The following ANKS1A variants were observed in gnomAD, a reference collection of about 807,000 sequenced individuals.
ANKS1A encodes ankyrin repeat and SAM domain-containing protein 1A.
ANKS1A carries 55 observed loss-of-function variants against 120.3 expected under a neutral mutation model. The observed-to-expected ratio is 0.46, with a 90% CI of 0.37 to 0.57. The LOEUF is 0.57. ANKS1A is among the 20% of genes least tolerant of loss of function. The pLI is 0.00. For missense variants in ANKS1A, 1,123 were observed against 1,480.3 expected (o/e 0.76, Z 3.96); for synonymous variants, 590 against 604.7 (o/e 0.98, Z 0.36).
Position 35,080,979 on chromosome 6 carries a change from T to C in ANKS1A, c.2545-15T>C. 1 of 1,608,508 alleles carries C rather than the reference T, an allele frequency of 6.2e-7. No individual in the cohort carries two copies. The highest frequency in any genetic ancestry group is 8.5e-7 in the Non-Finnish European group (1 of 1,175,834). On this transcript the variant is annotated splice_polypyrimidine_tract_variant and intron_variant, in intron 16 of 23. Transcript: ENST00000360359. ...CCGAGGGTTGCAAGTTCCACCTGGA[T>C]TTTTCCCTCCACAGTGCCAAGATTT...
chr6:34,930,034 C>T (rs1488173672), intron 1 of ANKS1A, among the ~76,000 whole-genome samples: 2 of 152,008 alleles, frequency 1.3e-5, no homozygotes, highest in African/African-American at 2.4e-5. Flanking sequence ...TATCTTTCAT[C>T]GATAGCTGTT....
In ANKS1A at chr6:34,889,503, G is replaced by T; in HGVS notation, c.101G>T (p.Gly34Val). 7.9e-7 allele frequency: 1 copy of T among 1,273,418 alleles called. No homozygotes were observed. Among genetic ancestry groups the T allele is most frequent in the Non-Finnish European group, 9.8e-7 (1 of 1,018,740 alleles). The allele number at this position is 1,273,418 out of a possible 1,614,324, so 78.9% of individuals were successfully genotyped here. A position where few individuals can be genotyped will look rare whatever the true frequency, so the allele number is the denominator to read the frequency against. Reference sequence around the variant, plus strand: ...AAGCGGCTCTCCTCAGGCTTTGGGGGCGGCGGCGGCGGTGGCTCTGGGGGC... The same window carrying T: ...AAGCGGCTCTCCTCAGGCTTTGGGGTCGGCGGCGGCGGTGGCTCTGGGGGC... Reference protein sequence around the residue: ...SGKRLSSGFGGGGGGGSGGGG... With the variant: ...SGKRLSSGFGVGGGGGSGGGG... The change falls in exon 1 of 24, where the codon GGC becomes GTC. Residue 34 changes from glycine (G) to valine (V), a missense_variant. Gly to Val is a moderately radical substitution (Grantham distance 109, BLOSUM62 -3). Around this residue, in one of 3 missense-constraint regions of ANKS1A, gnomAD observed 73 missense variants for 82.2 expected, o/e 0.89. Transcript: ENST00000360359. This position sits in a 1 kb window ranked among gnomAD's most constrained non-coding sequence, Gnocchi z 5.5.
chr6:34,982,702 A>C lies in ANKS1A; in HGVS notation c.733-50A>C. The C allele has an allele frequency of 6.3e-7, 1 of 1,597,842 alleles. No homozygotes were observed. The highest frequency in any genetic ancestry group is 1.7e-4 in the Middle Eastern group (1 of 6,042). On this transcript the variant is annotated intron_variant, in intron 4 of 23. Coordinates refer to ENST00000360359, the MANE Select transcript of ANKS1A (RefSeq NM_015245.3). The surrounding 1 kb of genome is among the most constrained non-coding windows in gnomAD (Gnocchi z 4.9). ...TGTCCCCTTTGTCACGTGAAGCCGC[A>C]CCAAACTGTTCTGATGACATCCCGC... is the stretch of plus-strand genomic sequence containing the variant.
At chr6:35,015,277 AC>A (rs1773941100) in intron 10 of ANKS1A, among the ~76,000 whole-genome samples, 1 of 152,206 alleles carries the variant, frequency 6.6e-6, no homozygotes, top group African/African-American at 2.4e-5. Context: ...CAGGCAGATC[AC>A]TTGAGGCGAG....
intron 11 of ANKS1A, among the ~76,000 whole-genome samples, chr6:35,036,676 C>A (rs1775189546): frequency 6.6e-6 from 1 of 152,204 alleles, no homozygotes; most frequent in Admixed American, 6.5e-5. Flanking sequence ...AAGATTCTGC[C>A]AGTTTTCTAG....
At chr6:34,896,232 G>T (rs961208879) in intron 1 of ANKS1A, among the ~76,000 whole-genome samples, 2 of 151,806 alleles carry the variant, frequency 1.3e-5, no homozygotes, top group Admixed American at 1.3e-4. Context: ...ACTGCACCTG[G>T]CGAATATTTG....
chr6:34,899,769 A>G (rs1476147954), intron 1 of ANKS1A, among the ~76,000 whole-genome samples: 1 of 152,190 alleles, frequency 6.6e-6, no homozygotes, highest in Admixed American at 6.5e-5. Context: ...TTTGCTCATA[A>G]CTATCCACAT....
At chr6:34,987,926 C>T (rs7740148) in intron 8 of ANKS1A, among the ~76,000 whole-genome samples, 1 of 152,116 alleles carries the variant, frequency 6.6e-6, no homozygotes, top group Non-Finnish European at 1.5e-5. Context: ...TGCCTTTAGT[C>T]GGAACACTGA....
chr6:34,889,305 G>GT lies in ANKS1A; in HGVS notation c.-95dup. 3 of 1,222,386 alleles carry GT rather than the reference G, an allele frequency of 2.5e-6. No individual in the cohort carries two copies. Among genetic ancestry groups the GT allele is most frequent in the Non-Finnish European group, 3.1e-6 (3 of 982,076 alleles). The allele number at this position is 1,222,386 out of a possible 1,614,324, so 75.7% of individuals were successfully genotyped here. A position where few individuals can be genotyped will look rare whatever the true frequency, so the allele number is the denominator to read the frequency against. On this transcript the variant is annotated 5_prime_UTR_variant, in exon 1 of 24. Coordinates refer to ENST00000360359, the MANE Select transcript of ANKS1A (RefSeq NM_015245.3). This position sits in a 1 kb window ranked among gnomAD's most constrained non-coding sequence, Gnocchi z 5.5. ...AGGGAGGGGGTGGTGTCCCCAGCCG[G>GT]TTTGGGGGGTGCGTTGCCCGGAGAC...
chr6:34,949,006 CTG>C (rs1413186449), intron 1 of ANKS1A, among the ~76,000 whole-genome samples: 8 of 152,198 alleles, frequency 5.3e-5, no homozygotes, highest in Admixed American at 5.2e-4. Context: ...TTTCTCCTGA[CTG>C]TGTCTGTTTC....
downstream of ANKS1A, among the ~76,000 whole-genome samples, chr6:35,091,761 C>T (rs1393108164): frequency 6.6e-6 from 1 of 152,220 alleles, no homozygotes; most frequent in East Asian, 1.9e-4. Context: ...GCCTCCCAGG[C>T]AGCCTGGGGG....
chr6:35,052,020 T>G (rs1775994390), intron 11 of ANKS1A, among the ~76,000 whole-genome samples: 2 of 152,094 alleles, frequency 1.3e-5, no homozygotes, highest in Admixed American at 1.3e-4. Context: ...TTTATCCATT[T>G]TAAATGGAAG....
In ANKS1A at chr6:35,079,834, A is replaced by G; in HGVS notation, c.2450A>G (p.Gln817Arg). ...ELELVNVLKVQLLGHRKRIIA... is the reference protein window; with the variant it reads ...ELELVNVLKVRLLGHRKRIIA... ...CTCATCACCCAGGTCCTGAAGGTCC[A>G]GCTGCTCGGCCATCGCAAGCGCATC... Residue 817 changes from glutamine to arginine, a missense_variant, in exon 16 of 24, where the codon CAG becomes CGG. This residue lies in a region of ANKS1A where 904 missense variants were observed against 1,130.4 expected (regional missense o/e 0.80). Transcript: ENST00000360359. 1.3e-6 allele frequency: 2 copies of G among 1,578,220 alleles called. No individual in the cohort carries two copies. The highest frequency in any genetic ancestry group is 1.7e-6 in the Non-Finnish European group (2 of 1,161,932).
At chr6:35,095,582 A>G (rs981516154), downstream of ANKS1A, among the ~76,000 whole-genome samples, 1 of 133,888 alleles carries the variant, frequency 7.5e-6, no homozygotes, top group African/African-American at 3.0e-5. Context: ...AAAAGGAAAG[A>G]CGAAAGAAAG....
intron 11 of ANKS1A, chr6:35,023,738 C>T (rs1479008760): frequency 1.1e-5 from 4 of 348,410 alleles, no homozygotes; most frequent in Non-Finnish European, 2.3e-5. Flanking sequence ...AATTTCTTCT[C>T]CCAGAATATA....
intron 10 of ANKS1A, among the ~76,000 whole-genome samples, chr6:35,000,411 A>G (rs1036348273): frequency 6.6e-6 from 1 of 152,110 alleles, no homozygotes; most frequent in African/African-American, 2.4e-5. Context: ...AGTAACTTCT[A>G]ATCTTGTGGC....
intron 2 of ANKS1A, among the ~76,000 whole-genome samples, chr6:34,969,190 C>T (rs1393553828): frequency 6.6e-6 from 1 of 152,154 alleles, no homozygotes; most frequent in Non-Finnish European, 1.5e-5. Flanking sequence ...AAGCAAGTTC[C>T]TCTTTCTGGG....
rs749257912 is a variant in ANKS1A, at chr6:34,985,236, G to C, written c.1167G>C (p.Lys389Asn). ...CATCTGACCAAGACTCCACGAACAA[G>C]GAGGCTGAGGCAGCAGGAGTGAAAC... Reference protein sequence around the residue: ...GRSSDQDSTNKEAEAAGVKPA... With the variant: ...GRSSDQDSTNNEAEAAGVKPA... Residue 389 changes from lysine (K) to asparagine (N), a missense_variant, in exon 8 of 24, where the codon AAG (lysine) becomes AAC (asparagine). Lys to Asn is a moderately conservative substitution (Grantham distance 94). Coordinates refer to ENST00000360359, the MANE Select transcript of ANKS1A (RefSeq NM_015245.3). 1 of 1,614,192 alleles carries C rather than the reference G, an allele frequency of 6.2e-7. No homozygotes were observed. Among genetic ancestry groups the C allele is most frequent in the Non-Finnish European group, 8.5e-7 (1 of 1,180,040 alleles).
the ANKS1A span, among the ~76,000 whole-genome samples, chr6:35,096,680 C>G: frequency 7.9e-5 from 12 of 152,150 alleles, no homozygotes; most frequent in Admixed American, 7.9e-4. Flanking sequence ...AAATACCAGT[C>G]CAGACGCCTG....
Sources: gnomAD v4.1 joint callset for allele counts (sites outside exome capture counted in the v4.1 genomes callset) on GRCh38, gnomAD v4.1.1 for gene constraint, gnomAD v4.1.1 regional missense constraint, Gnocchi (gnomAD v3.1) non-coding constraint, MANE v1.5 for transcripts, NCBI Gene and HGNC (gene_info 2026-07-23, HGNC 2026-07-21) for gene names.